Variants in RANBP1 observed in about 807,000 individuals in gnomAD.
RANBP1 encodes the protein RAN binding protein 1.
A neutral mutation model predicts 31.4 loss-of-function variants in RANBP1; 16 were observed. The observed-to-expected ratio is 0.51, with a 90% CI of 0.34 to 0.77. RANBP1 has a LOEUF of 0.77. RANBP1 is among the 30% of genes least tolerant of loss of function. The pLI is 0.01. For missense variants in RANBP1, 265 were observed against 362.0 expected (o/e 0.73, Z 2.17); for synonymous variants, 129 against 140.5 (o/e 0.92, Z 0.58).
intron 1 of RANBP1, chr22:20,118,260 G>A: frequency 1.0e-6 from 1 of 1,002,524 alleles, no homozygotes; most frequent in Non-Finnish European, 1.2e-6. Flanking sequence ...TTCTTTTCCA[G>A]TTTGAGTCTA....
chr22:20,116,541 G>A (rs1470228071), intron 1 of RANBP1, 111 bp downstream of exon 1: 3 of 1,600,942 alleles, frequency 1.9e-6, no homozygotes, highest in African/African-American at 1.3e-5. Context: ...GGGCTGCAGG[G>A]GGCACCGAGA....
At chr22:20,122,165 C>A in intron 2 of RANBP1, 99 bp from the exon 3 acceptor site, 1 of 1,366,670 alleles carries the variant, frequency 7.3e-7, no homozygotes, top group Non-Finnish European at 1.0e-6. Context: ...TTCGTGGAGG[C>A]ATGGGGTCCT....
chr22:20,118,419 T>A, intron 1 of RANBP1: 1 of 905,418 alleles, frequency 1.1e-6, no homozygotes, highest in South Asian at 5.1e-5. Flanking sequence ...TTTATCTAGT[T>A]ATTAACTTAG....
chr22:20,121,561 T>G (rs943349412), intron 2 of RANBP1, among the ~76,000 whole-genome samples: 4 of 151,744 alleles, frequency 2.6e-5, no homozygotes, highest in Non-Finnish European at 5.9e-5. Context: ...TTTTGTTTTT[T>G]TTTAAAATAG....
In RANBP1 at chr22:20,126,286, C is replaced by G. The variant is rs147429452; in HGVS notation, c.671-17C>G. On this transcript the variant is annotated splice_polypyrimidine_tract_variant and intron_variant, in intron 4 of 5. Transcript: ENST00000430524. ...CTGCTCACAGCTCTTAGGAAGTCTTCGCTCTCCCTTCCACAGATGCACAGA... is the reference window on the plus strand; with the variant it reads ...CTGCTCACAGCTCTTAGGAAGTCTTGGCTCTCCCTTCCACAGATGCACAGA... 1.2e-6 allele frequency: 2 copies of G among 1,609,266 alleles called. No homozygotes were observed.
intron 1 of RANBP1, 93 bp downstream of exon 1, chr22:20,116,523 G>A: frequency 6.2e-7 from 1 of 1,608,370 alleles, no homozygotes; most frequent in Non-Finnish European, 8.5e-7. Context: ...CCTCCTCCAG[G>A]GCTGCCGGGG....
Position 20,127,126 on chromosome 22 carries a change from C to A in RANBP1, c.*74C>A. The A allele has an allele frequency of 7.9e-7, 1 of 1,263,974 alleles. No homozygotes were observed. Among genetic ancestry groups the A allele is most frequent in the South Asian group, 1.5e-5 (1 of 67,464 alleles). 78.3% of individuals were successfully genotyped at this position (1,263,974 alleles called of 1,614,324 possible). A position where few individuals can be genotyped will look rare whatever the true frequency, so the allele number is the denominator to read the frequency against. ...AAAATTTTACCCTGCCCCTCTTTTT[C>A]GGTTTGTTTTTATTCTTTCATTTTT... On this transcript the variant is annotated 3_prime_UTR_variant, in exon 6 of 6. Coordinates refer to ENST00000430524, the MANE Select transcript of RANBP1 (RefSeq NM_001278639.2).
Position 20,126,978 on chromosome 22 carries a change from G to T in RANBP1, c.763G>T (p.Glu255Ter). 6.2e-7 allele frequency: 1 copy of T among 1,613,554 alleles called. No individual in the cohort carries two copies. The highest frequency in any genetic ancestry group is 1.1e-5 in the South Asian group (1 of 91,062). The change falls in exon 6 of 6, where the codon GAA (glutamate) becomes TAA (stop). Residue 255 changes from glutamate to a stop codon, truncating the protein, a stop_gained. Transcript: ENST00000430524. LOFTEE classifies it high-confidence loss of function. ...KAGSGKNDHA[E>*]KVAEKLEALS... ...AGGATCAGGCAAAAATGATCATGCCGAAAAAGTGGCGGAAAAGCTAGAAGC... is the reference window on the plus strand; with the variant it reads ...AGGATCAGGCAAAAATGATCATGCCTAAAAAGTGGCGGAAAAGCTAGAAGC...
In RANBP1 at chr22:20,119,118, C is replaced by T. The variant is rs778809069; in HGVS notation, c.352C>T (p.Leu118=). The part of the protein sequence containing the change: ...VSLPEQEIKT[L]EEDEEELFKM... ...TCTTCCTGAGCAAGAAATTAAAACA[C>T]TGGAAGAAGATGAAGAGGAACTTTT... Residue 118 remains leucine (L), a synonymous_variant, in exon 2 of 6, where the codon CTG becomes TTG. Transcript: ENST00000430524. 8 of 1,612,688 alleles carry T rather than the reference C, an allele frequency of 5.0e-6. No homozygotes were observed. In the East Asian group the frequency reaches 1.1e-4, roughly 22 times the overall value.
intron 1 of RANBP1, chr22:20,117,361 C>A (rs1012499448): frequency 4.9e-6 from 6 of 1,213,422 alleles, no homozygotes; most frequent in Non-Finnish European, 6.2e-6. Context: ...CTCTGGCTGA[C>A]GGGCGGGCCG....
At chr22:20,121,089 G>A (rs919353184) in intron 2 of RANBP1, among the ~76,000 whole-genome samples, 2 of 152,168 alleles carry the variant, frequency 1.3e-5, no homozygotes, top group Non-Finnish European at 2.9e-5. Context: ...GAATAGCTGG[G>A]GCTATAGGCG....
intron 4 of RANBP1, among the ~76,000 whole-genome samples, 174 bp from the exon 5 acceptor site, chr22:20,126,129 C>T (rs1279992099): frequency 1.3e-5 from 2 of 152,244 alleles, no homozygotes; most frequent in Non-Finnish European, 2.9e-5. Context: ...CAAATGGGTG[C>T]AGTCAGATGA....
At chr22:20,116,650 G>C (rs750749273) in intron 1 of RANBP1, 1 of 1,513,842 alleles carries the variant, frequency 6.6e-7, no homozygotes, top group East Asian at 2.3e-5. Context: ...GTGAGGACTA[G>C]GCCCTGGGGG....
intron 4 of RANBP1, 129 bp downstream of exon 4, chr22:20,125,565 G>GC (rs1568985250): frequency 1.3e-6 from 2 of 1,533,558 alleles, no homozygotes; most frequent in Non-Finnish European, 1.7e-6. Context: ...TGTCGTGTGG[G>GC]CTGCCCTGCC....
At chr22:20,117,811 G>T (rs1228637706) in intron 1 of RANBP1, 22 of 1,024,406 alleles carry the variant, frequency 2.1e-5, no homozygotes, top group Non-Finnish European at 2.6e-5. Context: ...GCGGAGTCGG[G>T]GCGCGTGGGG....
chr22:20,117,232 TG>T, intron 1 of RANBP1: 1 of 528,272 alleles, frequency 1.9e-6, no homozygotes, highest in South Asian at 3.5e-5. Flanking sequence ...TCTATGATCC[TG>T]GCTTCTGGCA....
intron 5 of RANBP1, 44 bp from the exon 6 acceptor site, chr22:20,126,908 T>A: frequency 6.3e-7 from 1 of 1,595,294 alleles, no homozygotes; most frequent in Non-Finnish European, 8.6e-7. Context: ...TGTGCTTGAA[T>A]GCACCGTGCT....
intron 1 of RANBP1, chr22:20,116,869 T>TC: frequency 6.3e-7 from 1 of 1,586,362 alleles, no homozygotes; most frequent in Non-Finnish European, 8.6e-7. Flanking sequence ...ACCCAGCGTC[T>TC]CCCCGCACTC....
rs772063076 is a variant in RANBP1 at position 20,116,433 on chromosome 22, A to G, written c.246+3A>G. The G allele has an allele frequency of 8.7e-6, 14 of 1,612,580 alleles. No homozygotes were observed. Among genetic ancestry groups the G allele is most frequent in the Non-Finnish European group, 8.5e-7 (1 of 1,179,772 alleles). ...GCTCCAGTTTAAAGATCTCAGAGGT[A>G]AACAAGTCATCCCTGATGTAGCTGT... On this transcript the variant is annotated splice_donor_region_variant and intron_variant, in intron 1 of 5. Transcript: ENST00000430524.
Sources: gnomAD v4.1 joint callset for allele counts (sites outside exome capture counted in the v4.1 genomes callset) on GRCh38, gnomAD v4.1.1 for gene constraint, MANE v1.5 for transcripts, NCBI Gene and HGNC (gene_info 2026-07-23, HGNC 2026-07-21) for gene names.